HGF: variants seen among roughly 807,000 people sequenced by gnomAD.
HGF encodes hepatocyte growth factor, also known as fibroblast-derived tumor cytotoxic factor.
In HGF, 39 loss-of-function variants were observed where a neutral mutation model predicts 111.6. The ratio of observed to expected loss-of-function variants is 0.35; its 90% CI spans 0.27 to 0.46. The LOEUF is 0.46. HGF is among the 20% of genes least tolerant of loss of function. The pLI is 1.00. For missense variants in HGF, 735 were observed against 910.5 expected, an observed-to-expected ratio of 0.81 and a Z score of 2.48; for synonymous variants, 285 against 294.8, an observed-to-expected ratio of 0.97 and a Z score of 0.34.
Position 81,705,695 on chromosome 7 carries a change from T to C in HGF, c.1816A>G (p.Ile606Val), listed in dbSNP as rs765890500. 7.3e-5 allele frequency: 118 copies of C among 1,612,730 alleles called. No individual in the cohort carries two copies. Among genetic ancestry groups the C allele is most frequent in the Non-Finnish European group, 9.3e-5 (110 of 1,179,164 alleles). The change falls in exon 16 of 18, where the codon ATT (isoleucine) becomes GTT (valine). Residue 606 changes from isoleucine (I) to valine (V), a missense_variant. By Grantham distance (29) the Ile-to-Val change is conservative. This residue lies in a region of HGF where 130 missense variants were observed against 129.9 expected (regional missense o/e 1.00). Transcript: ENST00000222390. ...ACACTGCAACTGGTCTTTTCAGGAA[T>C]TGTGCATCCATAATTAGGTAAATCA... is the stretch of plus-strand genomic sequence containing the variant. ...TIDLPNYGCT[I>V]PEKTSCSVYG...
At chr7:81,715,212 G>A (rs1789677501) in intron 11 of HGF, among the ~76,000 whole-genome samples, 1 of 151,984 alleles carries the variant, frequency 6.6e-6, no homozygotes, top group Non-Finnish European at 1.5e-5. Context: ...AAAATAACTT[G>A]TTTTAGAAGG....
chr7:81,750,721 C>T (rs1160683717), intron 5 of HGF, among the ~76,000 whole-genome samples: 2 of 152,006 alleles, frequency 1.3e-5, no homozygotes, highest in Non-Finnish European at 2.9e-5. Context: ...GCCAAGGTAC[C>T]GGCCTTTGAA....
chr7:81,710,859 C>T (rs2115802875), intron 12 of HGF, among the ~76,000 whole-genome samples: 1 of 152,240 alleles, frequency 6.6e-6, no homozygotes, highest in Middle Eastern at 3.4e-3. Context: ...CTACTTCTGC[C>T]CATGGTCTAG....
chr7:81,703,820 C>T (rs1255945690), intron 17 of HGF, among the ~76,000 whole-genome samples: 1 of 151,558 alleles, frequency 6.6e-6, no homozygotes, highest in Non-Finnish European at 1.5e-5. Context: ...CATTGGCATT[C>T]TGTGATGGGG....
chr7:81,733,561 T>G (rs1433910658), intron 7 of HGF, among the ~76,000 whole-genome samples: 1 of 152,080 alleles, frequency 6.6e-6, no homozygotes, highest in African/African-American at 2.4e-5. Flanking sequence ...CCCTCTGAAA[T>G]CAGTGCATTG....
At chr7:81,731,630 A>G (rs970939568) in intron 7 of HGF, among the ~76,000 whole-genome samples, 6 of 152,170 alleles carry the variant, frequency 3.9e-5, no homozygotes, top group Admixed American at 2.6e-4. Context: ...TCATCAATAT[A>G]AATGCCATTA....
At position 81,758,814 on chromosome 7, in the gene HGF, A is replaced by G. The variant is rs775409485; in HGVS notation, c.255-10T>C. On this transcript the variant is annotated splice_polypyrimidine_tract_variant and intron_variant, in intron 2 of 17. Coordinates refer to ENST00000222390, the MANE Select transcript of HGF (RefSeq NM_000601.6). ...ATCAAAAACAAAAGCCCTGAAAAAA[A>G]TATCAGAATGAAAAGAAGAAATACT... 1.3e-6 allele frequency: 2 copies of G among 1,553,812 alleles called. No individual in the cohort carries two copies. The highest frequency in any genetic ancestry group is 1.8e-6 in the Non-Finnish European group (2 of 1,125,814).
chr7:81,762,361 C>T (rs992969989), intron 2 of HGF, among the ~76,000 whole-genome samples: 2 of 152,052 alleles, frequency 1.3e-5, no homozygotes, highest in African/African-American at 4.8e-5. Flanking sequence ...TCCTCCATTC[C>T]TCTTGCAAGG....
chr7:81,761,040 T>C (rs1477073190), intron 2 of HGF, among the ~76,000 whole-genome samples: 1 of 152,158 alleles, frequency 6.6e-6, no homozygotes, highest in East Asian at 1.9e-4. Flanking sequence ...CAAGAGAGCT[T>C]ATTTTCAAAG....
intron 7 of HGF, among the ~76,000 whole-genome samples, chr7:81,736,937 A>G (rs1342878039): frequency 4.7e-5 from 3 of 64,472 alleles, no homozygotes; most frequent in Non-Finnish European, 9.7e-5. Flanking sequence ...GTGGTGTTCT[A>G]TAGATGAGGA....
intron 7 of HGF, among the ~76,000 whole-genome samples, chr7:81,732,673 A>G (rs996417199): frequency 2.6e-5 from 4 of 152,152 alleles, no homozygotes; most frequent in African/African-American, 9.7e-5. Context: ...GGTTATCACA[A>G]TTCATTAAAA....
chr7:81,706,388 A>G lies in HGF; in HGVS notation c.1656T>C (p.Asp552=). 2 of 1,612,474 alleles carry G rather than the reference A, an allele frequency of 1.2e-6. No individual in the cohort carries two copies. Among genetic ancestry groups the G allele is most frequent in the Non-Finnish European group, 8.5e-7 (1 of 1,178,734 alleles). Residue 552 remains aspartate, a synonymous_variant, in exon 15 of 18, where the codon GAT becomes GAC. Transcript: ENST00000222390. The part of the protein sequence containing the change: ...KDYEAWLGIH[D]VHGRGDEKCK... The stretch of plus-strand genomic sequence containing the variant: ...ATTTCTCATCTCCTCTTCCGTGGAC[A>G]TCATGAATTCCAAGCCAAGCTTCAT...
intron 3 of HGF, 35 bp from the exon 4 acceptor site, chr7:81,757,338 T>A: frequency 2.7e-6 from 3 of 1,104,526 alleles, no homozygotes; most frequent in Non-Finnish European, 4.2e-6. Context: ...ATTGCAACTA[T>A]GCAAAACATA....
At chr7:81,766,638 T>C (rs538534215) in intron 1 of HGF, among the ~76,000 whole-genome samples, 5 of 152,290 alleles carry the variant, frequency 3.3e-5, no homozygotes, top group African/African-American at 9.6e-5. Flanking sequence ...ATTTACAAAA[T>C]GAAGTGATGT....
chr7:81,706,526 A>G, intron 14 of HGF, 99 bp from the exon 15 acceptor site: 2 of 960,960 alleles, frequency 2.1e-6, no homozygotes, highest in Non-Finnish European at 3.2e-6. Context: ...AAGGCACATA[A>G]CCTAAATTTA....
chr7:81,730,623 C>A (rs899964675), intron 7 of HGF, among the ~76,000 whole-genome samples: 1 of 78,500 alleles, frequency 1.3e-5, no homozygotes, highest in Admixed American at 1.6e-4. Context: ...AGATTTGAAA[C>A]CCTCAGTCAC....
Position 81,701,568 on chromosome 7 carries a change from T to C in HGF, c.*1013A>G, listed in dbSNP as rs1031456795. The stretch of plus-strand genomic sequence containing the variant: ...TTAACCTATTTAAGTACATTTTTAA[T>C]GACCAAAACACTTTTAAACTTCTTC... On this transcript the variant is annotated 3_prime_UTR_variant, in exon 18 of 18. Transcript: ENST00000222390. 1.3e-5 allele frequency: 2 copies of C among 151,588 alleles called. No individual in the cohort carries two copies. Among genetic ancestry groups the C allele is most frequent in the African/African-American group, 2.4e-5 (1 of 41,388 alleles). 9.4% of individuals were successfully genotyped at this position (151,588 alleles called of 1,614,324 possible).
intron 2 of HGF, among the ~76,000 whole-genome samples, chr7:81,762,089 C>A (rs1305767452): frequency 6.6e-6 from 1 of 152,096 alleles, no homozygotes; most frequent in Non-Finnish European, 1.5e-5. Context: ...GTAAGGAATT[C>A]TTCCCTATGA....
At chr7:81,703,032 T>C (rs987053486) in intron 17 of HGF, among the ~76,000 whole-genome samples, 2 of 151,674 alleles carry the variant, frequency 1.3e-5, no homozygotes, top group African/African-American at 4.8e-5. Context: ...ACCATCCTTT[T>C]AAGTGTGCTT....
Sources: gnomAD v4.1 joint callset for allele counts (sites outside exome capture counted in the v4.1 genomes callset) on GRCh38, gnomAD v4.1.1 for gene constraint, gnomAD v4.1.1 regional missense constraint, MANE v1.5 for transcripts, NCBI Gene and HGNC (gene_info 2026-07-23, HGNC 2026-07-21) for gene names.